The following KATNAL1 variants were observed in gnomAD, a reference collection of about 807,000 sequenced individuals.
KATNAL1 encodes katanin catalytic subunit A1 like 1, also known as katanin p60 ATPase-containing subunit A-like 1.
KATNAL1 carries 32 observed loss-of-function variants against 55.2 expected under a neutral mutation model. The observed-to-expected ratio is 0.58, with a 90% confidence interval of 0.44 to 0.78. KATNAL1 has a LOEUF of 0.78. Ranked by LOEUF, KATNAL1 falls within the 30% of genes least tolerant of loss-of-function variation. The pLI is 0.00. For missense variants in KATNAL1, 466 were observed against 600.9 expected (o/e 0.78, Z 2.35); for synonymous variants, 193 against 193.6 (o/e 1.00, Z 0.02).
At chr13:30,247,717 C>A (rs1331261644) in intron 4 of KATNAL1, among the ~76,000 whole-genome samples, 1 of 152,222 alleles carries the variant, frequency 6.6e-6, no homozygotes, top group Non-Finnish European at 1.5e-5. Flanking sequence ...CTATGCAGAG[C>A]CTTGTAGACC....
At chr13:30,251,159 A>AG (rs60114398) in intron 4 of KATNAL1, among the ~76,000 whole-genome samples, 1 of 151,718 alleles carries the variant, frequency 6.6e-6, no homozygotes, top group Non-Finnish European at 1.5e-5. Flanking sequence ...AAAAAAAAAA[A>AG]TACTTGAGAA....
At chr13:30,279,924 T>G in intron 3 of KATNAL1, 139 bp downstream of exon 3, 2 of 695,954 alleles carry the variant, frequency 2.9e-6, no homozygotes, top group Non-Finnish European at 4.6e-6. Flanking sequence ...AAACTGTAAA[T>G]GTATAAATGT....
chr13:30,277,913 G>A (rs371142193), intron 3 of KATNAL1, among the ~76,000 whole-genome samples: 89 of 146,706 alleles, frequency 6.1e-4, no homozygotes, highest in African/African-American at 2.2e-3. Flanking sequence ...AACCCGGGAG[G>A]CGGAGCTTGC....
chr13:30,289,263 C>T (rs1442613691), intron 1 of KATNAL1, among the ~76,000 whole-genome samples: 2 of 152,170 alleles, frequency 1.3e-5, no homozygotes, highest in African/African-American at 2.4e-5. Context: ...AATAATTTGC[C>T]TTTTTAATTG....
rs111868848 is a variant in KATNAL1, at chr13:30,255,721, C to T, written c.324-106G>A. 1.3e-4 allele frequency: 140 copies of T among 1,112,068 alleles called. No individual in the cohort carries two copies. In the African/African-American group the frequency reaches 1.8e-3, roughly 14 times the overall value. The allele number at this position is 1,112,068 out of a possible 1,614,324, so 68.9% of individuals were successfully genotyped here. On this transcript the variant is annotated intron_variant, in intron 3 of 10. Coordinates refer to ENST00000380615, the MANE Select transcript of KATNAL1 (RefSeq NM_032116.5). ...AATAAAATTGTTAAATCAAAAAGCC[C>T]GAAAGCTAATTTTTTCACCTTTGGC...
At chr13:30,213,053 G>A (rs1214353763) in intron 9 of KATNAL1, among the ~76,000 whole-genome samples, 1 of 152,064 alleles carries the variant, frequency 6.6e-6, no homozygotes, top group African/African-American at 2.4e-5. Flanking sequence ...AGGCCCCAGA[G>A]TGCAACCACC....
At chr13:30,266,084 A>G (rs1272622430) in intron 3 of KATNAL1, among the ~76,000 whole-genome samples, 4 of 149,648 alleles carry the variant, frequency 2.7e-5, no homozygotes, top group South Asian at 4.2e-4. Flanking sequence ...GCCCACTCTC[A>G]GCTCACTGCA....
In KATNAL1 at chr13:30,274,287, T is replaced by C. The variant is rs368867542; in HGVS notation, c.323+5776A>G. ...TATCAGTACTTGACTTTGACCTTAA[T>C]TGATCTTTTCACTGCAATTTGGGAT... On this transcript the variant is annotated intron_variant, in intron 3 of 10. Coordinates refer to ENST00000380615, the MANE Select transcript of KATNAL1 (RefSeq NM_032116.5). Among the ~76,000 whole-genome samples the C allele has an allele frequency of 7.2e-5, 11 of 152,332 alleles. No homozygotes were observed. The East Asian group carries it at 1.3e-3, about 19-fold the overall frequency.
chr13:30,290,060 G>A (rs1882034348), intron 1 of KATNAL1, among the ~76,000 whole-genome samples: 1 of 152,120 alleles, frequency 6.6e-6, no homozygotes, highest in East Asian at 1.9e-4. Flanking sequence ...TGATTCATGA[G>A]CCATTCAAGA....
chr13:30,225,609 G>A (rs1875381242), intron 9 of KATNAL1, among the ~76,000 whole-genome samples: 1 of 150,062 alleles, frequency 6.7e-6, no homozygotes, highest in Non-Finnish European at 1.5e-5. Context: ...AGTAAGTGAT[G>A]ATACAACTGC....
At chr13:30,232,999 C>CA (rs1420011756) in intron 6 of KATNAL1, among the ~76,000 whole-genome samples, 1 of 152,110 alleles carries the variant, frequency 6.6e-6, no homozygotes, top group Non-Finnish European at 1.5e-5. Context: ...TTAAAAACCT[C>CA]AAACTATGAA....
chr13:30,294,515 A>G (rs1357953474), intron 1 of KATNAL1, among the ~76,000 whole-genome samples: 1 of 152,220 alleles, frequency 6.6e-6, no homozygotes, highest in Non-Finnish European at 1.5e-5. Flanking sequence ...GTATGAAGCA[A>G]GTAGAGACTG....
chr13:30,257,157 T>A, intron 3 of KATNAL1, among the ~76,000 whole-genome samples: 1 of 152,060 alleles, frequency 6.6e-6, no homozygotes, highest in African/African-American at 2.4e-5. Context: ...AGTATTTCAA[T>A]GTGACCACTG....
At chr13:30,281,306 T>G (rs749201574) in intron 2 of KATNAL1, among the ~76,000 whole-genome samples, 2 of 151,906 alleles carry the variant, frequency 1.3e-5, no homozygotes, top group Non-Finnish European at 2.9e-5. Context: ...AAGAAAAAGC[T>G]AGGTAAAATT....
intron 3 of KATNAL1, among the ~76,000 whole-genome samples, chr13:30,279,500 A>T (rs1350374786): frequency 6.6e-6 from 1 of 152,226 alleles, no homozygotes; most frequent in African/African-American, 2.4e-5. Flanking sequence ...GAGACTGCAC[A>T]GACAAGATGA....
intron 4 of KATNAL1, among the ~76,000 whole-genome samples, chr13:30,242,667 A>C (rs1490289223): frequency 6.6e-6 from 1 of 152,106 alleles, no homozygotes; most frequent in Non-Finnish European, 1.5e-5. Flanking sequence ...GACGGGGTAG[A>C]GGAGGAGAAT....
intron 2 of KATNAL1, among the ~76,000 whole-genome samples, chr13:30,280,923 T>C (rs1881233143): frequency 6.6e-6 from 1 of 151,858 alleles, no homozygotes; most frequent in Admixed American, 6.6e-5. Flanking sequence ...CAGATAAAGA[T>C]TAAAAATTAC....
At chr13:30,234,106 C>A (rs1027462409) in intron 6 of KATNAL1, among the ~76,000 whole-genome samples, 1 of 151,952 alleles carries the variant, frequency 6.6e-6, no homozygotes, top group Admixed American at 6.6e-5. Flanking sequence ...GGTGGATATC[C>A]CATTTATACT....
chr13:30,279,608 T>G (rs900114959), intron 3 of KATNAL1, among the ~76,000 whole-genome samples: 7 of 152,226 alleles, frequency 4.6e-5, no homozygotes, highest in African/African-American at 1.7e-4. Flanking sequence ...GAATGTAACC[T>G]TTAAGTAATA....
Sources: allele counts gnomAD v4.1 joint callset (sites outside exome capture counted in the v4.1 genomes callset), GRCh38; gene constraint gnomAD v4.1.1; transcripts MANE v1.5; gene names NCBI Gene and HGNC (gene_info 2026-07-23, HGNC 2026-07-21).